DLG2: variants seen among roughly 807,000 people sequenced by gnomAD.
DLG2 encodes discs large MAGUK scaffold protein 2.
DLG2 carries 45 observed loss-of-function variants against 132.5 expected under a neutral mutation model. That is an observed-to-expected ratio of 0.34 (90% CI 0.27 to 0.44). DLG2 has a LOEUF of 0.44. Among genes scored for constraint, DLG2 ranks in the 20% least tolerant of loss-of-function variants. The pLI is 1.00. For synonymous variants in DLG2, 424 were observed against 419.6 expected (o/e 1.01, Z -0.13); for missense variants, 1,045 against 1,196.9 (o/e 0.87, Z 1.87).
Position 84,286,879 on chromosome 11 carries a change from C to T in DLG2, c.520-35588G>A, listed in dbSNP as rs116010744. On this transcript the variant is annotated intron_variant, in intron 7 of 27. Coordinates refer to ENST00000376104, the MANE Select transcript of DLG2 (RefSeq NM_001142699.3). ...TTGACGCCTAAGCTTTCCCATCTCTCTGCAGAAGCAGAGAGGATAGTTAAG... is the reference window on the plus strand; with the variant it reads ...TTGACGCCTAAGCTTTCCCATCTCTTTGCAGAAGCAGAGAGGATAGTTAAG... Among the ~76,000 whole-genome samples, 413 of 152,268 alleles carry T rather than the reference C, an allele frequency of 2.7e-3. 1 individual carries two copies. The highest frequency in any genetic ancestry group is 9.3e-3 in the African/African-American group (387 of 41,552).
intron 7 of DLG2, among the ~76,000 whole-genome samples, chr11:84,472,156 T>G (rs896697206): frequency 6.6e-6 from 1 of 151,880 alleles, no homozygotes; most frequent in South Asian, 2.1e-4. Flanking sequence ...TTCGTATTGC[T>G]ATCTTATGGC....
intron 6 of DLG2, among the ~76,000 whole-genome samples, chr11:85,051,672 G>A (rs925358595): frequency 9.2e-5 from 14 of 152,118 alleles, no homozygotes; most frequent in African/African-American, 3.1e-4. Context: ...CTATGACTAA[G>A]AAATTAGACC....
intron 9 of DLG2, among the ~76,000 whole-genome samples, chr11:84,151,995 T>C (rs187175137): frequency 1.3e-5 from 2 of 152,336 alleles, no homozygotes; most frequent in African/African-American, 2.4e-5. Flanking sequence ...GTGTTCCATA[T>C]ACAGACAAGA....
intron 7 of DLG2, among the ~76,000 whole-genome samples, chr11:84,473,559 G>A (rs1380872601): frequency 1.3e-5 from 2 of 151,958 alleles, no homozygotes; most frequent in Non-Finnish European, 2.9e-5. Context: ...ACTTGGTAAT[G>A]TCATGTGAGC....
intron 18 of DLG2, among the ~76,000 whole-genome samples, chr11:83,770,066 A>C (rs2094322172): frequency 6.6e-6 from 1 of 152,090 alleles, no homozygotes. Flanking sequence ...TAATAATGTC[A>C]TACTGTGTTT....
intron 7 of DLG2, among the ~76,000 whole-genome samples, chr11:84,353,109 A>C (rs972714676): frequency 8.5e-5 from 13 of 152,256 alleles, no homozygotes; most frequent in African/African-American, 3.1e-4. Flanking sequence ...TTTGCAAACA[A>C]ACCTCTCAAA....
intron 18 of DLG2, among the ~76,000 whole-genome samples, chr11:83,758,840 AT>A (rs1367389629): frequency 6.6e-6 from 1 of 152,160 alleles, no homozygotes; most frequent in East Asian, 1.9e-4. Flanking sequence ...CAATTGTATC[AT>A]TTATGTAATT....
At chr11:84,339,441 G>A (rs758558695) in intron 7 of DLG2, among the ~76,000 whole-genome samples, 4 of 152,128 alleles carry the variant, frequency 2.6e-5, no homozygotes, top group Non-Finnish European at 4.4e-5. Flanking sequence ...TGATGCAGTG[G>A]ATATTCAACA....
chr11:84,443,403 A>C (rs769185443), intron 7 of DLG2, among the ~76,000 whole-genome samples: 4 of 152,186 alleles, frequency 2.6e-5, no homozygotes, highest in Admixed American at 1.3e-4. Flanking sequence ...TTAAGTACAT[A>C]CAAGTTTCTT....
chr11:84,815,830 T>C (rs149560069), intron 6 of DLG2, among the ~76,000 whole-genome samples: 254 of 152,144 alleles, frequency 1.7e-3, no homozygotes, highest in African/African-American at 5.9e-3. Context: ...CTGTTAAACA[T>C]AGTGTGCCAC....
At chr11:84,029,473 A>G (rs1482663760) in intron 11 of DLG2, among the ~76,000 whole-genome samples, 2 of 152,098 alleles carry the variant, frequency 1.3e-5, no homozygotes, top group African/African-American at 4.8e-5. Context: ...ATATGCTAAA[A>G]TGGGACATGG....
intron 11 of DLG2, among the ~76,000 whole-genome samples, chr11:84,022,225 C>T (rs982302764): frequency 1.3e-5 from 2 of 152,074 alleles, no homozygotes; most frequent in East Asian, 1.9e-4. Context: ...TAAAAACATT[C>T]GGGGCATCCT....
chr11:85,034,000 T>A (rs1593015495), intron 6 of DLG2, among the ~76,000 whole-genome samples: 1 of 152,102 alleles, frequency 6.6e-6, no homozygotes, highest in East Asian at 1.9e-4. Context: ...TGTGAAGGAC[T>A]TTGGGGGTTC....
intron 18 of DLG2, among the ~76,000 whole-genome samples, chr11:83,707,435 C>T (rs892724324): frequency 4.6e-5 from 7 of 152,092 alleles, no homozygotes; most frequent in South Asian, 2.1e-4. Context: ...TTTGGGAGGC[C>T]GAGGGGGGCA....
At position 84,456,559 on chromosome 11, in the gene DLG2, A is replaced by G. The variant is rs188602698; in HGVS notation, c.519+78011T>C. ...GGTCCTTGGGCTTTAAAAACACCAC[A>G]TACATTATCTTCTCAGGTCTCATTC... On this transcript the variant is annotated intron_variant, in intron 7 of 27. Coordinates refer to ENST00000376104, the MANE Select transcript of DLG2 (RefSeq NM_001142699.3). 2.3e-3 allele frequency among the ~76,000 whole-genome samples: 341 copies of G among 151,378 alleles called. 2 individuals are homozygous for G. The highest frequency in any genetic ancestry group is 8.0e-3 in the African/African-American group (333 of 41,436).
At chr11:85,084,426 T>A (rs933726665) in intron 6 of DLG2, among the ~76,000 whole-genome samples, 11 of 152,202 alleles carry the variant, frequency 7.2e-5, no homozygotes, top group Non-Finnish European at 1.6e-4. Context: ...ATAGAAAGCA[T>A]GAATTTCTGT....
intron 7 of DLG2, among the ~76,000 whole-genome samples, chr11:84,366,489 A>T (rs569996917): frequency 1.3e-4 from 20 of 152,242 alleles, no homozygotes; most frequent in African/African-American, 4.6e-4. Context: ...TAAATGGACT[A>T]AATGCTCCAA....
chr11:85,277,425 A>T (rs2077960836), intron 4 of DLG2, among the ~76,000 whole-genome samples: 1 of 152,194 alleles, frequency 6.6e-6, no homozygotes, highest in African/African-American at 2.4e-5. Context: ...TTTGAGGTCT[A>T]GTATTTCTGG....
At chr11:84,799,395 G>A (rs1421668919) in intron 6 of DLG2, among the ~76,000 whole-genome samples, 6 of 152,160 alleles carry the variant, frequency 3.9e-5, no homozygotes, top group Admixed American at 1.3e-4. Flanking sequence ...AGCTGCTGCC[G>A]GAGGTTGGAA....
Sources: gnomAD v4.1 joint callset for allele counts (sites outside exome capture counted in the v4.1 genomes callset) on GRCh38, gnomAD v4.1.1 for gene constraint, MANE v1.5 for transcripts, NCBI Gene and HGNC (gene_info 2026-07-23, HGNC 2026-07-21) for gene names.